Variants in TCF4 observed in about 807,000 individuals in gnomAD.
The protein encoded by TCF4 is SL3-3 enhancer factor 2.
Under a neutral mutation model 82.1 loss-of-function variants are expected in TCF4, and 3 were observed. That is an observed-to-expected ratio of 0.04 (90% confidence interval 0.02 to 0.09). TCF4 has a LOEUF of 0.09. Ranked by LOEUF, TCF4 falls within the 10% of genes least tolerant of loss-of-function variation. The pLI is 1.00. For synonymous variants in TCF4, 276 were observed against 309.6 expected, an observed-to-expected ratio of 0.89 and a Z score of 1.14; for missense variants, 518 against 852.7, an observed-to-expected ratio of 0.61 and a Z score of 4.89.
intron 6 of TCF4, among the ~76,000 whole-genome samples, chr18:55,400,341 C>T (rs2093744587): frequency 6.6e-6 from 1 of 152,136 alleles, no homozygotes; most frequent in African/African-American, 2.4e-5. Flanking sequence ...TTGGCAAGAA[C>T]ATGTTAAGCT....
intron 15 of TCF4, among the ~76,000 whole-genome samples, chr18:55,251,770 GCT>G (rs955928521): frequency 1.3e-5 from 2 of 152,124 alleles, no homozygotes; most frequent in Non-Finnish European, 2.9e-5. Flanking sequence ...TCTCACCAGT[GCT>G]CTCTGCTGAA....
chr18:55,444,666 T>C (rs2095495829), intron 5 of TCF4, among the ~76,000 whole-genome samples: 1 of 152,246 alleles, frequency 6.6e-6, no homozygotes, highest in Non-Finnish European at 1.5e-5. Flanking sequence ...TGGTGGTTCA[T>C]GTCTCTCTCT....
At chr18:55,361,482 C>A (rs957569443) in intron 6 of TCF4, among the ~76,000 whole-genome samples, 1 of 152,218 alleles carries the variant, frequency 6.6e-6, no homozygotes, top group South Asian at 2.1e-4. Context: ...CTTGCTCATA[C>A]AAACGTTTCT....
chr18:55,352,704 G>C (rs969961076), intron 6 of TCF4, among the ~76,000 whole-genome samples: 1 of 152,040 alleles, frequency 6.6e-6, no homozygotes, highest in East Asian at 1.9e-4. Flanking sequence ...AAAACATAAG[G>C]CTTATTATAA....
intron 8 of TCF4, among the ~76,000 whole-genome samples, chr18:55,340,750 A>C (rs1446659872): frequency 1.3e-5 from 2 of 152,166 alleles, no homozygotes; most frequent in African/African-American, 4.8e-5. Flanking sequence ...TCAAATGCCA[A>C]ATGAAAGGTA....
intron 6 of TCF4, among the ~76,000 whole-genome samples, chr18:55,392,596 T>C (rs779739416): frequency 6.6e-6 from 1 of 152,202 alleles, no homozygotes; most frequent in African/African-American, 2.4e-5. Flanking sequence ...AACAGAGTCT[T>C]TCCTCTGACT....
intron 8 of TCF4, among the ~76,000 whole-genome samples, chr18:55,292,287 A>G (rs2065272404): frequency 6.6e-6 from 1 of 152,184 alleles, no homozygotes; most frequent in Non-Finnish European, 1.5e-5. Flanking sequence ...TGACCCTTTC[A>G]TATTTCTTTC....
At chr18:55,616,113 A>C (rs2097711571) in intron 2 of TCF4, among the ~76,000 whole-genome samples, 1 of 152,100 alleles carries the variant, frequency 6.6e-6, no homozygotes, top group Non-Finnish European at 1.5e-5. Context: ...CTTTGCACCC[A>C]TTGAGCATCA....
chr18:55,372,997 T>C lies in TCF4; in HGVS notation c.370-21994A>G, dbSNP rs185639846. ...CATTAGAAAAAAAAAGACCTTTTTTTAAGCAGCAAAAAATATAAAACAAAG... is the reference window on the plus strand; with the variant it reads ...CATTAGAAAAAAAAAGACCTTTTTTCAAGCAGCAAAAAATATAAAACAAAG... On this transcript the variant is annotated intron_variant, in intron 6 of 19. Transcript: ENST00000354452. Among the ~76,000 whole-genome samples the C allele has an allele frequency of 1.9e-3, 293 of 152,148 alleles. 1 individual carries two copies. The highest frequency in any genetic ancestry group is 6.7e-3 in the African/African-American group (278 of 41,534).
chr18:55,601,478 A>AAAGG lies in TCF4; in HGVS notation c.287-14343_287-14342insCCTT, dbSNP rs1555788394. Among the ~76,000 whole-genome samples, 251 of 152,184 alleles carry AAAGG rather than the reference A, an allele frequency of 1.6e-3. 1 individual carries two copies. Among genetic ancestry groups the AAAGG allele is most frequent in the African/African-American group, 5.6e-3 (234 of 41,522 alleles). ...ATTCCATAACTGAGAAAAAAAAAAA[A>AAAGG]AAAGGAAAGGAAAGTCTGATTCAAG... On this transcript the variant is annotated intron_variant, in intron 2 of 20. Coordinates refer to the TCF4 transcript ENST00000398339.
chr18:55,566,304 G>A (rs184584484), intron 3 of TCF4, among the ~76,000 whole-genome samples: 39 of 152,224 alleles, frequency 2.6e-4, no homozygotes, highest in African/African-American at 5.5e-4. Context: ...ACGGAGATCC[G>A]GAAAGGTAGA....
intron 5 of TCF4, among the ~76,000 whole-genome samples, chr18:55,417,015 T>C (rs2094547794): frequency 6.6e-6 from 1 of 152,222 alleles, no homozygotes; most frequent in Non-Finnish European, 1.5e-5. Flanking sequence ...CCATTATATC[T>C]GACAAGTTAA....
chr18:55,442,117 C>T lies in TCF4; in HGVS notation c.304+18902G>A, dbSNP rs1017304113. ...ACAATGAACAATGTGCAAAATAGTC[C>T]ATTACAAGCTTACACTTTAAACAAG... On this transcript the variant is annotated intron_variant, in intron 5 of 19. Transcript: ENST00000354452. Among the ~76,000 whole-genome samples the T allele has an allele frequency of 2.0e-5, 3 of 152,226 alleles. 1 individual carries two copies. The highest frequency in any genetic ancestry group is 1.9e-4 in the East Asian group (1 of 5,190).
At chr18:55,607,222 G>A (rs1271138628) in intron 2 of TCF4, among the ~76,000 whole-genome samples, 1 of 152,150 alleles carries the variant, frequency 6.6e-6, no homozygotes. Context: ...ATCTTCTCGA[G>A]GAACCTGTAA....
intron 6 of TCF4, chr18:55,401,825 G>C: frequency 4.1e-6 from 4 of 978,630 alleles, no homozygotes; most frequent in Non-Finnish European, 4.9e-6. Context: ...TTCTCTCAAT[G>C]ACCAGAAAAA....
At chr18:55,401,499 C>T in intron 6 of TCF4, 2 of 990,308 alleles carry the variant, frequency 2.0e-6, no homozygotes, top group Non-Finnish European at 2.4e-6. Context: ...TCAAAACGAA[C>T]CTCCCAAGGC....
At chr18:55,377,530 T>C (rs2091046096) in intron 6 of TCF4, among the ~76,000 whole-genome samples, 1 of 152,236 alleles carries the variant, frequency 6.6e-6, no homozygotes, top group Non-Finnish European at 1.5e-5. Flanking sequence ...TTTAAGTAGT[T>C]GTACTTACGT....
intron 3 of TCF4, among the ~76,000 whole-genome samples, chr18:55,556,945 T>C (rs916220648): frequency 3.3e-5 from 5 of 152,190 alleles, no homozygotes; most frequent in Non-Finnish European, 5.9e-5. Context: ...CCCCATCACT[T>C]ACTTCTCCCA....
At chr18:55,290,771 A>G (rs1404305531) in intron 8 of TCF4, among the ~76,000 whole-genome samples, 1 of 152,144 alleles carries the variant, frequency 6.6e-6, no homozygotes, top group Non-Finnish European at 1.5e-5. Flanking sequence ...ATCAGACACA[A>G]GCAGAAAGTC....
Sources: allele counts gnomAD v4.1 joint callset (sites outside exome capture counted in the v4.1 genomes callset), GRCh38; gene constraint gnomAD v4.1.1; transcripts MANE v1.5; gene names NCBI Gene and HGNC (gene_info 2026-07-23, HGNC 2026-07-21).